Variants in SUN1 observed in about 807,000 individuals in gnomAD.
The protein encoded by SUN1 is SUN domain-containing protein 1.
In SUN1, 61 loss-of-function variants were observed where a neutral mutation model predicts 103.2. The observed-to-expected ratio is 0.59, with a 90% CI of 0.48 to 0.73. SUN1 has a LOEUF of 0.73. Among genes scored for constraint, SUN1 ranks in the 30% least tolerant of loss-of-function variants. SUN1 has a pLI of 0.00. For synonymous variants in SUN1, 490 were observed against 425.7 expected (o/e 1.15, Z -1.86); for missense variants, 1,052 against 1,034.6 (o/e 1.02, Z -0.23).
Position 856,466 on chromosome 7 carries a change from A to G in SUN1, c.1394+65A>G, listed in dbSNP as rs1827413211. The G allele has an allele frequency of 2.5e-6, 4 of 1,592,646 alleles. No homozygotes were observed. In the South Asian group the frequency reaches 4.4e-5, roughly 18 times the overall value. ...TGTGTGTGTGGTTATGTGGAGCGGC[A>G]GCAGAGTGATGAATGGGGGACCCGG... is the stretch of plus-strand genomic sequence containing the variant. On this transcript the variant is annotated intron_variant, in intron 12 of 18. Coordinates refer to ENST00000401592, the MANE Select transcript of SUN1 (RefSeq NM_001130965.3).
rs1205663737 is a variant in SUN1, at chr7:860,144, G to T, written c.1541G>T (p.Arg514Ile). 4 of 1,613,984 alleles carry T rather than the reference G, an allele frequency of 2.5e-6. No homozygotes were observed. The highest frequency in any genetic ancestry group is 3.4e-6 in the Non-Finnish European group (4 of 1,180,002). The change falls in exon 14 of 19, where the codon AGA (arginine) becomes ATA (isoleucine). Residue 514 changes from arginine to isoleucine, a missense_variant. Transcript: ENST00000401592. Reference protein sequence around the residue: ...AVQERVDVQVREMVKLLFSED... With the variant: ...AVQERVDVQVIEMVKLLFSED... ...TTTTACTAGGTGGACGTGCAAGTCA[G>T]AGAAATGGTGAAACTCCTGTTTTCC...
chr7:858,210 A>G (rs7796608), intron 13 of SUN1, among the ~76,000 whole-genome samples: 24,216 of 152,020 alleles, frequency 0.16, 2,040 homozygotes, highest in South Asian at 0.24. Flanking sequence ...ATGTGCCACT[A>G]TGCCCGGCTA....
At chr7:850,092 G>T in intron 5 of SUN1, 1 of 1,451,134 alleles carries the variant, frequency 6.9e-7, no homozygotes. Context: ...TTTGTGTCTT[G>T]TGTGGTTTGT....
intron 1 of SUN1, among the ~76,000 whole-genome samples, chr7:822,114 G>A (rs1016353372): frequency 2.6e-5 from 4 of 152,124 alleles, no homozygotes; most frequent in African/African-American, 9.7e-5. Flanking sequence ...TGCTTCCACT[G>A]GGATAAAATA....
Position 843,356 on chromosome 7 carries a change from C to A in SUN1, c.494C>A (p.Ala165Asp). 6.2e-7 allele frequency: 1 copy of A among 1,606,438 alleles called. No homozygotes were observed. The change falls in exon 5 of 19, where the codon GCC (alanine) becomes GAC (aspartate). Residue 165 changes from alanine to aspartate, a missense_variant. Ala to Asp is a moderately radical substitution (Grantham distance 126). Coordinates refer to ENST00000401592, the MANE Select transcript of SUN1 (RefSeq NM_001130965.3). The stretch of plus-strand genomic sequence containing the variant: ...AAAACTTTAGGTGGAAATAAAGCTG[C>A]CATTCAGGGAAACGGGGATGTGGGA... The part of the protein sequence containing the change: ...DGDLKGGNKA[A>D]IQGNGDVGAA...
At position 870,744 on chromosome 7, in the gene SUN1, T is replaced by G. The variant is rs570551334; in HGVS notation, c.2148+1228T>G. On this transcript the variant is annotated intron_variant, in intron 17 of 18. Transcript: ENST00000401592. ...TCTTTCCCTTTTCCGCTTCCCTGTG[T>G]GAGCGTCGCTCCTTTACACCTTCAC... Among the ~76,000 whole-genome samples, 7 of 152,346 alleles carry G rather than the reference T, an allele frequency of 4.6e-5. No individual in the cohort carries two copies. The South Asian group carries it at 1.4e-3, about 32-fold the overall frequency.
intron 5 of SUN1, chr7:843,927 C>T (rs148283663): frequency 1.4e-5 from 16 of 1,112,946 alleles, no homozygotes; most frequent in South Asian, 2.9e-5. Context: ...GTGTTCGTGT[C>T]GGGAAAACAT....
chr7:825,443 C>T (rs76718650), intron 1 of SUN1, among the ~76,000 whole-genome samples: 118 of 152,312 alleles, frequency 7.7e-4, no homozygotes, highest in African/African-American at 2.7e-3. Context: ...GGTTAAATGA[C>T]AAGTAGAAGT....
chr7:832,917 G>A (rs1355205617), intron 1 of SUN1: 1 of 279,164 alleles, frequency 3.6e-6, no homozygotes, highest in Non-Finnish European at 6.7e-6. Flanking sequence ...GAACGTATCA[G>A]TGGCTTGGTA....
At chr7:844,132 C>G (rs1290012796) in intron 5 of SUN1, among the ~76,000 whole-genome samples, 1 of 152,194 alleles carries the variant, frequency 6.6e-6, no homozygotes, top group Non-Finnish European at 1.5e-5. Flanking sequence ...GGGGCCTCCT[C>G]CTGGGCCTGC....
chr7:856,984 C>G (rs973039145), intron 12 of SUN1, among the ~76,000 whole-genome samples: 2 of 152,202 alleles, frequency 1.3e-5, no homozygotes, highest in African/African-American at 4.8e-5. Flanking sequence ...TCTGCAGTTC[C>G]TGGGGAAGCT....
intron 1 of SUN1, among the ~76,000 whole-genome samples, chr7:819,252 CA>C (rs1244929802): frequency 4.7e-5 from 7 of 149,566 alleles, no homozygotes; most frequent in African/African-American, 1.7e-4. Flanking sequence ...CCTCATTAGA[CA>C]TATGATTAAT....
intron 5 of SUN1, chr7:848,284 G>T: frequency 1.3e-6 from 1 of 768,890 alleles, no homozygotes; most frequent in Non-Finnish European, 1.9e-6. Flanking sequence ...TGCCAGCTGG[G>T]CTCTTCCCCA....
intron 5 of SUN1, among the ~76,000 whole-genome samples, chr7:845,214 G>A (rs867542984): frequency 2.0e-5 from 3 of 152,166 alleles, no homozygotes; most frequent in African/African-American, 4.8e-5. Flanking sequence ...TCAGCCTTGC[G>A]TTTGAGTGTA....
At chr7:830,500 C>T (rs1400089594), upstream of SUN1, among the ~76,000 whole-genome samples, 2 of 152,166 alleles carry the variant, frequency 1.3e-5, no homozygotes, top group African/African-American at 4.8e-5. Flanking sequence ...TACTGGGGAA[C>T]ATAAACTTAA....
At chr7:872,302 C>G (rs1438896673) in intron 17 of SUN1, among the ~76,000 whole-genome samples, 168 bp from the exon 18 acceptor site, 1 of 152,174 alleles carries the variant, frequency 6.6e-6, no homozygotes, top group East Asian at 1.9e-4. Flanking sequence ...AAAACACACC[C>G]CTTCCTTCCA....
At chr7:825,704 C>G (rs1312569030) in intron 1 of SUN1, among the ~76,000 whole-genome samples, 4 of 152,166 alleles carry the variant, frequency 2.6e-5, no homozygotes, top group African/African-American at 9.7e-5. Flanking sequence ...ATTGGAGATG[C>G]AATGCCAATT....
intron 1 of SUN1, among the ~76,000 whole-genome samples, chr7:820,905 A>G (rs907513527): frequency 5.3e-5 from 8 of 152,088 alleles, no homozygotes; most frequent in Non-Finnish European, 8.8e-5. Flanking sequence ...AACTAGTGCC[A>G]CTATTTTTGG....
At chr7:825,562 A>G (rs573899909) in intron 1 of SUN1, among the ~76,000 whole-genome samples, 3 of 152,316 alleles carry the variant, frequency 2.0e-5, no homozygotes, top group South Asian at 2.1e-4. Flanking sequence ...AGCCCTTTCA[A>G]ATATTTTTAG....
Sources: gnomAD v4.1 joint callset for allele counts (sites outside exome capture counted in the v4.1 genomes callset) on GRCh38, gnomAD v4.1.1 for gene constraint, MANE v1.5 for transcripts, NCBI Gene and HGNC (gene_info 2026-07-23, HGNC 2026-07-21) for gene names.